Variants in MYH4 observed in about 807,000 individuals in gnomAD.
The protein encoded by MYH4 is myosin heavy chain 4, also known as myosin-4.
In MYH4, 200 loss-of-function variants were observed where a neutral mutation model predicts 229.9. The observed-to-expected ratio is 0.87, with a 90% CI of 0.78 to 0.98. The LOEUF (loss-of-function observed/expected upper bound fraction) is 0.98, where lower values mean the gene tolerates loss of function less well. MYH4 is among the 50% of genes least tolerant of loss of function. MYH4 has a pLI of 0.00. For missense variants in MYH4, 2,148 were observed against 2,332.6 expected (o/e 0.92, Z 1.63); for synonymous variants, 761 against 834.6 (o/e 0.91, Z 1.52).
chr17:10,456,803 G>A (rs1393970405), intron 16 of MYH4, among the ~76,000 whole-genome samples: 1 of 152,210 alleles, frequency 6.6e-6, no homozygotes, highest in Non-Finnish European at 1.5e-5. Context: ...GTAGATGTGG[G>A]TAGGGGATGG....
In MYH4 at chr17:10,445,406, A is replaced by C. The variant is rs772523383; in HGVS notation, c.5170-44T>G. 8 of 1,609,134 alleles carry C rather than the reference A, an allele frequency of 5.0e-6. No individual in the cohort carries two copies. The South Asian group carries it at 7.7e-5, about 16-fold the overall frequency. On this transcript the variant is annotated intron_variant, in intron 35 of 39. Transcript: ENST00000255381. Reference sequence around the variant, plus strand: ...AGAGAAGAGAAGCACATTTACTTATAACAACTCACATTGTCATTTTACCTA... The same window carrying C: ...AGAGAAGAGAAGCACATTTACTTATCACAACTCACATTGTCATTTTACCTA...
chr17:10,450,783 C>T lies in MYH4; in HGVS notation c.3978G>A (p.Glu1326=). Residue 1326 remains glutamate, a synonymous_variant, in exon 29 of 40, where the codon GAG becomes GAA. Transcript: ENST00000255381. ...IEELKRQLEE[E]TKAKSTLAHA... Reference sequence around the variant, plus strand: ...TCAGCTGGAGAATTCTCACCTTAGTCTCCTCTTCTAGCTGCCTCTTTAATT... The same window carrying T: ...TCAGCTGGAGAATTCTCACCTTAGTTTCCTCTTCTAGCTGCCTCTTTAATT... The T allele has an allele frequency of 6.2e-7, 1 of 1,613,432 alleles. No individual in the cohort carries two copies. The highest frequency in any genetic ancestry group is 1.6e-4 in the Middle Eastern group (1 of 6,062).
chr17:10,456,657 C>T (rs534279328), intron 16 of MYH4, 102 bp from the exon 17 acceptor site: 2 of 825,532 alleles, frequency 2.4e-6, no homozygotes, highest in African/African-American at 1.7e-5. Flanking sequence ...TTTAAATTTG[C>T]ACTCATTCAC....
intron 13 of MYH4, 47 bp from the exon 14 acceptor site, chr17:10,460,148 G>C: frequency 6.2e-7 from 1 of 1,613,350 alleles, no homozygotes; most frequent in Admixed American, 1.7e-5. Context: ...AAACAGTGAT[G>C]AACTCCTGAG....
At position 10,457,497 on chromosome 17, in the gene MYH4, G is replaced by A; in HGVS notation, c.1820C>T (p.Thr607Ile). ...LDKNKDPLNE[T>I]VVGLYQKSAM... ...AGACTTCTGGTACAGCCCCACCACAGTCTCATTCAGGGGGTCCTTGTTTTT... is the reference window on the plus strand; with the variant it reads ...AGACTTCTGGTACAGCCCCACCACAATCTCATTCAGGGGGTCCTTGTTTTT... Residue 607 changes from threonine to isoleucine, a missense_variant, in exon 16 of 40, where the codon ACT becomes ATT. Coordinates refer to ENST00000255381, the MANE Select transcript of MYH4 (RefSeq NM_017533.2). 6.2e-7 allele frequency: 1 copy of A among 1,614,212 alleles called. No individual in the cohort carries two copies. Among genetic ancestry groups the A allele is most frequent in the Non-Finnish European group, 8.5e-7 (1 of 1,180,030 alleles).
rs781000797 is a variant in MYH4, at chr17:10,455,915, T to C, written c.1969-14A>G. On this transcript the variant is annotated splice_polypyrimidine_tract_variant and intron_variant, in intron 17 of 39. Coordinates refer to ENST00000255381, the MANE Select transcript of MYH4 (RefSeq NM_017533.2). ...ATTCAAATTCTCCTGTGGAACCATA[T>C]GAAAAGTTTTAAAATCATTTCTAGT... 6.2e-7 allele frequency: 1 copy of C among 1,614,056 alleles called. No homozygotes were observed. The highest frequency in any genetic ancestry group is 1.3e-5 in the African/African-American group (1 of 74,942).
chr17:10,457,508 G>A lies in MYH4; in HGVS notation c.1809C>T (p.Pro603=). Residue 603 remains proline (P), a synonymous_variant, in exon 16 of 40, where the codon CCC becomes CCT. Transcript: ENST00000255381. ...IAGWLDKNKD[P]LNETVVGLYQ... ...ACAGCCCCACCACAGTCTCATTCAG[G>A]GGGTCCTTGTTTTTGTCCAGCCAGC... 1 of 1,614,206 alleles carries A rather than the reference G, an allele frequency of 6.2e-7. No individual in the cohort carries two copies. The highest frequency in any genetic ancestry group is 8.5e-7 in the Non-Finnish European group (1 of 1,180,036).
Position 10,444,822 on chromosome 17 carries a change from C to G in MYH4, c.5544G>C (p.Glu1848Asp), listed in dbSNP as rs1319386839. 3 of 1,613,992 alleles carry G rather than the reference C, an allele frequency of 1.9e-6. No homozygotes were observed. In the African/African-American group the frequency reaches 4.0e-5, roughly 22 times the overall value. The change falls in exon 38 of 40, where the codon GAG becomes GAC. Residue 1848 changes from glutamate to aspartate, a missense_variant. Glu to Asp is a conservative substitution (Grantham distance 45). Coordinates refer to ENST00000255381, the MANE Select transcript of MYH4 (RefSeq NM_017533.2). The stretch of plus-strand genomic sequence containing the variant: ...GGTAAGTGAGTTCCTTCACTCTTCT[C>G]TCATGTTTGCGAAGACCCTTGACAG... ...VEAVKGLRKH[E>D]RRVKELTYQT...
At chr17:10,453,370 A>G (rs1301078946) in intron 23 of MYH4, 42 bp from the exon 24 acceptor site, 1 of 1,613,300 alleles carries the variant, frequency 6.2e-7, no homozygotes, top group Non-Finnish European at 8.5e-7. Context: ...ATGACAACGT[A>G]TTATCTTGAT....
At chr17:10,449,160 T>C (rs1597415778) in intron 30 of MYH4, 113 bp from the exon 31 acceptor site, 2 of 901,022 alleles carry the variant, frequency 2.2e-6, no homozygotes, top group East Asian at 5.1e-5. Flanking sequence ...CTACAAGTTG[T>C]TGAATTTTTC....
At chr17:10,465,233 G>A (rs1358757830) in intron 5 of MYH4, among the ~76,000 whole-genome samples, 1 of 152,096 alleles carries the variant, frequency 6.6e-6, no homozygotes, top group Non-Finnish European at 1.5e-5. Context: ...TCTATTTTTG[G>A]AACTAGTGCT....
rs1228582323 is a variant in MYH4 at position 10,466,612 on chromosome 17, T to G, written c.134A>C (p.Glu45Ala). The G allele has an allele frequency of 6.2e-7, 1 of 1,613,940 alleles. No individual in the cohort carries two copies. The highest frequency in any genetic ancestry group is 2.2e-5 in the East Asian group (1 of 44,892). ...CTGCACTATTGCTTTCACGTAGGAC[T>G]CCTTAGGGTCCACCACAAAGACTGA... Reference protein sequence around the residue: ...KTSVFVVDPKESYVKAIVQSR... With the variant: ...KTSVFVVDPKASYVKAIVQSR... The change falls in exon 3 of 40, where the codon GAG becomes GCG. Residue 45 changes from glutamate to alanine, a missense_variant. Transcript: ENST00000255381.
chr17:10,457,608 T>C lies in MYH4; in HGVS notation c.1709A>G (p.Lys570Arg). 6.2e-7 allele frequency: 1 copy of C among 1,614,206 alleles called. No individual in the cohort carries two copies. The highest frequency in any genetic ancestry group is 8.5e-7 in the Non-Finnish European group (1 of 1,180,042). ...AGCCTCAGGCTTGCCTTTGGCAGGC[T>C]TGGGCTTCTGGAAGTTGTTGGATTT... ...LGKSNNFQKPKPAKGKPEAHF... is the reference protein window; with the variant it reads ...LGKSNNFQKPRPAKGKPEAHF... The change falls in exon 16 of 40, where the codon AAG (lysine) becomes AGG (arginine). Residue 570 changes from lysine to arginine, a missense_variant. Transcript: ENST00000255381.
In MYH4 at chr17:10,451,422, C is replaced by G. The variant is rs760928970; in HGVS notation, c.3769G>C (p.Glu1257Gln). Residue 1257 changes from glutamate to glutamine, a missense_variant, in exon 28 of 40, where the codon GAG becomes CAG. Coordinates refer to ENST00000255381, the MANE Select transcript of MYH4 (RefSeq NM_017533.2). Reference sequence around the variant, plus strand: ...GTTTTTATTTCACTAAGCTGGTCCTCTAGGGTGCGGCACATTTTCTCAAAG... The same window carrying G: ...GTTTTTATTTCACTAAGCTGGTCCTGTAGGGTGCGGCACATTTTCTCAAAG... The part of the protein sequence containing the change: ...ANFEKMCRTL[E>Q]DQLSEIKTKE... 3 of 1,613,696 alleles carry G rather than the reference C, an allele frequency of 1.9e-6. No individual in the cohort carries two copies. The highest frequency in any genetic ancestry group is 1.7e-6 in the Non-Finnish European group (2 of 1,179,928).
chr17:10,461,743 TA>T (rs2142228233), intron 11 of MYH4, among the ~76,000 whole-genome samples: 1 of 152,362 alleles, frequency 6.6e-6, no homozygotes, highest in South Asian at 2.1e-4. Flanking sequence ...CTTTTTTCTC[TA>T]TCGAATTTTG....
intron 12 of MYH4, 132 bp downstream of exon 12, chr17:10,460,784 T>C: frequency 5.8e-6 from 5 of 861,094 alleles, no homozygotes; most frequent in Non-Finnish European, 9.1e-6. Flanking sequence ...CGTCAGGCAG[T>C]GTGTAATTTC....
chr17:10,451,526 C>A (rs946957849), intron 27 of MYH4, 74 bp from the exon 28 acceptor site: 3 of 1,495,900 alleles, frequency 2.0e-6, no homozygotes, highest in Non-Finnish European at 2.7e-6. Context: ...AGATCTGTAA[C>A]TACCTGTGGA....
rs2058099 is a variant in MYH4, at chr17:10,459,429, A to G, written c.1417-8T>C. The G allele has an allele frequency of 0.44, 712,618 of 1,613,820 alleles. 165,018 individuals carry two copies. The highest frequency in any genetic ancestry group is 0.84 in the East Asian group (37,888 of 44,866). ...CTGCTCCAGGCTGTTGAACTACAGAACAAGATAAATATAGGAAATTACGCA... is the reference window on the plus strand; with the variant it reads ...CTGCTCCAGGCTGTTGAACTACAGAGCAAGATAAATATAGGAAATTACGCA... On this transcript the variant is annotated splice_polypyrimidine_tract_variant and splice_region_variant and intron_variant, in intron 14 of 39. Transcript: ENST00000255381.
Position 10,444,906 on chromosome 17 carries a change from G to A in MYH4, c.5467-7C>T. On this transcript the variant is annotated splice_region_variant and splice_polypyrimidine_tract_variant and intron_variant, in intron 37 of 39. Coordinates refer to ENST00000255381, the MANE Select transcript of MYH4 (RefSeq NM_017533.2). ...CACTTTCAAGCTCTCTCACCTGGAAGGGAACAAAGACGTTTACCAGTTTGG... is the reference window on the plus strand; with the variant it reads ...CACTTTCAAGCTCTCTCACCTGGAAAGGAACAAAGACGTTTACCAGTTTGG... The A allele has an allele frequency of 6.2e-7, 1 of 1,614,142 alleles. No individual in the cohort carries two copies. The highest frequency in any genetic ancestry group is 1.3e-5 in the African/African-American group (1 of 75,044).
Sources: gnomAD v4.1 joint callset for allele counts (sites outside exome capture counted in the v4.1 genomes callset) on GRCh38, gnomAD v4.1.1 for gene constraint, MANE v1.5 for transcripts, NCBI Gene and HGNC (gene_info 2026-07-23, HGNC 2026-07-21) for gene names.